The following DMD variants were observed in gnomAD, a reference collection of about 807,000 sequenced individuals.
DMD encodes dystrophin.
Under a neutral mutation model 330.1 loss-of-function variants are expected in DMD, and 63 were observed. That is an observed-to-expected ratio of 0.19 (90% CI 0.16 to 0.24). The LOEUF (loss-of-function observed/expected upper bound fraction) is 0.24. Among genes scored for constraint, DMD ranks in the 10% least tolerant of loss-of-function variants. DMD has a pLI of 1.00. For missense variants in DMD, 3,344 were observed against 2,684.1 expected, an observed-to-expected ratio of 1.25 and a Z score of -5.43; for synonymous variants, 1,223 against 959.8, an observed-to-expected ratio of 1.27 and a Z score of -5.07.
intron 1 of DMD, among the ~76,000 whole-genome samples, chrX:33,062,017 C>T (rs1178259969): frequency 8.9e-6 from 1 of 112,094 alleles, no homozygotes; most frequent in African/African-American, 3.2e-5. Flanking sequence ...CCATAAAGAT[C>T]CAGCTTTAGA....
intron 16 of DMD, among the ~76,000 whole-genome samples, chrX:32,546,854 A>G (rs901616481): frequency 1.8e-5 from 2 of 111,889 alleles, no homozygotes; most frequent in African/African-American, 6.5e-5. Flanking sequence ...CTCTAAAAAA[A>G]GCTTAAAATA....
intron 36 of DMD, among the ~76,000 whole-genome samples, chrX:32,364,140 C>T (rs1158414696): frequency 2.7e-5 from 3 of 111,823 alleles, no homozygotes; most frequent in Non-Finnish European, 5.6e-5. Flanking sequence ...ATAAGCCCAA[C>T]ATTAAGACTA....
At chrX:32,210,043 C>T (rs949365463) in intron 44 of DMD, among the ~76,000 whole-genome samples, 3 of 111,427 alleles carry the variant, frequency 2.7e-5, no homozygotes, top group Non-Finnish European at 5.7e-5. Flanking sequence ...GAGGAGTTTC[C>T]AAGCAGCAAT....
chrX:32,582,865 C>A (rs891841120), intron 13 of DMD, among the ~76,000 whole-genome samples: 1 of 110,956 alleles, frequency 9.0e-6, no homozygotes, highest in South Asian at 3.9e-4. Context: ...TTCTACAATC[C>A]GGGAATATCT....
At chrX:31,259,401 C>A (rs1254360904) in intron 63 of DMD, among the ~76,000 whole-genome samples, 1 of 111,802 alleles carries the variant, frequency 8.9e-6, no homozygotes, top group African/African-American at 3.3e-5. Flanking sequence ...TCAGATGAAG[C>A]CTTTTCATTC....
chrX:32,673,023 T>C (rs1044113547), intron 9 of DMD, among the ~76,000 whole-genome samples: 1 of 111,245 alleles, frequency 9.0e-6, no homozygotes, highest in Admixed American at 9.6e-5. Flanking sequence ...AATGTGGATG[T>C]TTTCTGTATG....
chrX:32,545,342 A>T lies in DMD; in HGVS notation c.1993-8T>A. 1 of 1,208,945 alleles carries T rather than the reference A, an allele frequency of 8.3e-7. No homozygotes were observed. Among genetic ancestry groups the T allele is most frequent in the Non-Finnish European group, 1.1e-6 (1 of 893,381 alleles). On this transcript the variant is annotated splice_region_variant and splice_polypyrimidine_tract_variant and intron_variant, in intron 16 of 78. Transcript: ENST00000357033. ...GGTGACAGCCTGTGAAATCTGTGAG[A>T]AGTATTGAAACAGAGGTCAGACATT...
intron 54 of DMD, among the ~76,000 whole-genome samples, chrX:31,650,719 A>G (rs964719300): frequency 1.8e-5 from 2 of 112,143 alleles, no homozygotes; most frequent in African/African-American, 6.5e-5. Flanking sequence ...TCTTCCCAGG[A>G]AAATGTTTTA....
chrX:32,472,450 A>G (rs1336345938), intron 21 of DMD, 141 bp from the exon 22 acceptor site: 3 of 583,385 alleles, frequency 5.1e-6, no homozygotes, highest in East Asian at 7.3e-5. Context: ...TATATTTAAT[A>G]TGATTATGAA....
At chrX:31,693,225 C>T (rs1239379266) in intron 52 of DMD, among the ~76,000 whole-genome samples, 1 of 111,640 alleles carries the variant, frequency 9.0e-6, no homozygotes, top group African/African-American at 3.2e-5. Context: ...AATTCAACAT[C>T]CTTTTATGAG....
intron 77 of DMD, among the ~76,000 whole-genome samples, chrX:31,133,875 G>A (rs2034832800): frequency 2.7e-5 from 3 of 112,476 alleles, no homozygotes; most frequent in African/African-American, 9.7e-5. Context: ...CAAATAGAGG[G>A]TGGTATTCTT....
chrX:33,216,834 T>C (rs1387371798), intron 1 of DMD, among the ~76,000 whole-genome samples: 2 of 111,380 alleles, frequency 1.8e-5, no homozygotes, highest in Non-Finnish European at 3.8e-5. Flanking sequence ...ATTAAATAGA[T>C]GGCATATTAA....
At chrX:31,136,179 C>T (rs1211458434) in intron 76 of DMD, among the ~76,000 whole-genome samples, 1 of 110,913 alleles carries the variant, frequency 9.0e-6, no homozygotes, top group Admixed American at 9.6e-5. Flanking sequence ...CAGGAAACCT[C>T]TTTGCAATAT....
intron 1 of DMD, among the ~76,000 whole-genome samples, chrX:33,079,232 G>A (rs1335352206): frequency 1.8e-5 from 2 of 111,164 alleles, no homozygotes; most frequent in African/African-American, 6.5e-5. Flanking sequence ...GGCTGGTCTT[G>A]AACTCCCGAC....
At chrX:31,790,435 G>A (rs1411060180) in intron 50 of DMD, among the ~76,000 whole-genome samples, 1 of 111,737 alleles carries the variant, frequency 8.9e-6, no homozygotes, top group Non-Finnish European at 1.9e-5. Flanking sequence ...TGATATTTTG[G>A]TGATTAGTGA....
At chrX:31,174,644 G>A (rs936592297) in intron 71 of DMD, among the ~76,000 whole-genome samples, 1 of 111,472 alleles carries the variant, frequency 9.0e-6, no homozygotes, top group African/African-American at 3.3e-5. Context: ...GAGGACCCTG[G>A]TTTAGCCCAG....
At chrX:31,773,724 C>CTTTTTTTTTTTTTTTTT (rs762551529) in intron 51 of DMD, among the ~76,000 whole-genome samples, 2 of 53,553 alleles carry the variant, frequency 3.7e-5, no homozygotes, top group African/African-American at 7.6e-5. Context: ...AAGGTTTCTG[C>CTTTTTTTTTTTTTTTTT]TTTTTTTTTT....
At chrX:32,475,046 G>A (rs1161911817) in intron 21 of DMD, among the ~76,000 whole-genome samples, 1 of 111,183 alleles carries the variant, frequency 9.0e-6, no homozygotes, top group Admixed American at 9.6e-5. Flanking sequence ...TGTGAGAGAT[G>A]AGGAGCCAAT....
intron 2 of DMD, among the ~76,000 whole-genome samples, chrX:32,869,627 C>G (rs1315250185): frequency 1.8e-5 from 2 of 108,387 alleles, no homozygotes; most frequent in African/African-American, 6.7e-5. Flanking sequence ...ACCAAATAGA[C>G]CAAGCAGAAG....
Sources: allele counts gnomAD v4.1 joint callset (sites outside exome capture counted in the v4.1 genomes callset), GRCh38; gene constraint gnomAD v4.1.1; transcripts MANE v1.5; gene names NCBI Gene and HGNC (gene_info 2026-07-23, HGNC 2026-07-21).